The following CAD variants were observed in gnomAD, a reference collection of about 807,000 sequenced individuals.
CAD encodes carbamoyl-phosphate synthetase 2, aspartate transcarbamylase, and dihydroorotase, also known as multifunctional protein CAD.
In CAD, 81 loss-of-function variants were observed where a neutral mutation model predicts 237.2. The observed-to-expected ratio is 0.34, with a 90% CI of 0.29 to 0.41. CAD has a LOEUF of 0.41. Ranked by LOEUF, CAD falls within the 10% of genes least tolerant of loss-of-function variation. The probability of loss-of-function intolerance (pLI) is 1.00; values close to 1 mark genes in which losing one functional copy is unlikely to be tolerated. For missense variants in CAD, 2,181 were observed against 2,951.7 expected (o/e 0.74, Z 6.05); for synonymous variants, 1,196 against 1,162.8 (o/e 1.03, Z -0.58).
chr2:27,236,249 A>G lies in CAD; in HGVS notation c.4075-35A>G. The G allele has an allele frequency of 6.2e-7, 1 of 1,606,424 alleles. No individual in the cohort carries two copies. Among genetic ancestry groups the G allele is most frequent in the Non-Finnish European group, 8.5e-7 (1 of 1,174,784 alleles). ...GGCTAGCCTTCCTGACCGCTGCCAG[A>G]CAGCTTGGCCCTGACCTTGACTCCG... On this transcript the variant is annotated intron_variant, in intron 25 of 43. Coordinates refer to ENST00000264705, the MANE Select transcript of CAD (RefSeq NM_004341.5). This position sits in a 1 kb window ranked among gnomAD's most constrained non-coding sequence, Gnocchi z 4.1.
intron 2 of CAD, among the ~76,000 whole-genome samples, chr2:27,218,561 CAGTG>C (rs1233960401): frequency 2.0e-5 from 3 of 152,100 alleles, no homozygotes; most frequent in Non-Finnish European, 4.4e-5. Context: ...TTCTCTGTGA[CAGTG>C]AGTGCCAGTT....
Position 27,237,995 on chromosome 2 carries a change from G to A in CAD, c.4729-61G>A. The A allele has an allele frequency of 6.3e-7, 1 of 1,596,118 alleles. No individual in the cohort carries two copies. The highest frequency in any genetic ancestry group is 1.7e-4 in the Middle Eastern group (1 of 5,970). Reference sequence around the variant, plus strand: ...TTCAGGGGAGCTCCTGGGGACTCTGGGCTCTGATGAGCACAGTCAGAGATT... The same window carrying A: ...TTCAGGGGAGCTCCTGGGGACTCTGAGCTCTGATGAGCACAGTCAGAGATT... On this transcript the variant is annotated intron_variant, in intron 29 of 43. Transcript: ENST00000264705. The surrounding 1 kb of genome is among the most constrained non-coding windows in gnomAD (Gnocchi z 4.0).
chr2:27,235,039 A>G lies in CAD; in HGVS notation c.3787-206A>G, dbSNP rs1251611548. ...TTGAATTGAGTTTTGAAGGATGGTT[A>G]AGGTTTTTTATTTGCAAGGGCACAT... On this transcript the variant is annotated intron_variant, in intron 23 of 43. Coordinates refer to ENST00000264705, the MANE Select transcript of CAD (RefSeq NM_004341.5). The surrounding 1 kb of genome is among the most constrained non-coding windows in gnomAD (Gnocchi z 5.2). Among the ~76,000 whole-genome samples, 1 of 152,142 alleles carries G rather than the reference A, an allele frequency of 6.6e-6. No homozygotes were observed. Among genetic ancestry groups the G allele is most frequent in the East Asian group, 1.9e-4 (1 of 5,188 alleles).
At position 27,233,824 on chromosome 2, in the gene CAD, C is replaced by CA. The variant is rs1041255007; in HGVS notation, c.3399+17dup. ...GGAGGCTAAGGTGGGAGGCTGCAGACAGTGAAGTCTCTGAGGGCATGCTGC... is the reference window on the plus strand; with the variant it reads ...GGAGGCTAAGGTGGGAGGCTGCAGACAAGTGAAGTCTCTGAGGGCATGCTGC... On this transcript the variant is annotated intron_variant, in intron 21 of 43. Transcript: ENST00000264705. This position sits in a 1 kb window ranked among gnomAD's most constrained non-coding sequence, Gnocchi z 6.3. The CA allele has an allele frequency of 1.9e-6, 3 of 1,612,076 alleles. No individual in the cohort carries two copies. The African/African-American group carries it at 4.0e-5, about 22-fold the overall frequency.
chr2:27,221,730 C>T (rs1675176043), intron 3 of CAD, among the ~76,000 whole-genome samples: 1 of 148,110 alleles, frequency 6.8e-6, no homozygotes, highest in African/African-American at 2.5e-5. Flanking sequence ...TACAAGTGTC[C>T]AGGCAATGTT....
At position 27,238,053 on chromosome 2, in the gene CAD, C is replaced by G; in HGVS notation, c.4729-3C>G. 1 of 1,614,054 alleles carries G rather than the reference C, an allele frequency of 6.2e-7. No homozygotes were observed. Among genetic ancestry groups the G allele is most frequent in the East Asian group, 2.2e-5 (1 of 44,882 alleles). On this transcript the variant is annotated splice_region_variant and splice_polypyrimidine_tract_variant and intron_variant, in intron 29 of 43. Coordinates refer to ENST00000264705, the MANE Select transcript of CAD (RefSeq NM_004341.5). ...CTCCTTCATCAGTTCTTTCTGCTCC[C>G]AGCATTTCGAGACATGGCCCTCCCA...
Position 27,236,174 on chromosome 2 carries a change from G to A in CAD, c.4075-110G>A. 1.4e-6 allele frequency: 2 copies of A among 1,439,462 alleles called. No homozygotes were observed. The highest frequency in any genetic ancestry group is 1.4e-5 in the African/African-American group (1 of 70,438). The allele number at this position is 1,439,462 out of a possible 1,614,324, so 89.2% of individuals were successfully genotyped here. A position where few individuals can be genotyped will look rare whatever the true frequency, so the allele number is the denominator to read the frequency against. ...GGCAGCCCTCAGTGCCCACCCTATG[G>A]GTCCTCAGTCTCCTCATCATGGGCT... is the stretch of plus-strand genomic sequence containing the variant. On this transcript the variant is annotated intron_variant, in intron 25 of 43. Transcript: ENST00000264705. This position sits in a 1 kb window ranked among gnomAD's most constrained non-coding sequence, Gnocchi z 4.1.
chr2:27,240,131 C>A lies in CAD; in HGVS notation c.5497-134C>A. ...TGGTGCACATCTGTAATCCCAGCTA[C>A]TTGGGAGGCTGAGGCAGGAGAATTG... On this transcript the variant is annotated intron_variant, in intron 34 of 43. Transcript: ENST00000264705. The surrounding 1 kb of genome is among the most constrained non-coding windows in gnomAD (Gnocchi z 4.6). 1 of 737,384 alleles carries A rather than the reference C, an allele frequency of 1.4e-6. No homozygotes were observed. Among genetic ancestry groups the A allele is most frequent in the Non-Finnish European group, 2.3e-6 (1 of 433,630 alleles). The allele number at this position is 737,384 out of a possible 1,614,324, so 45.7% of individuals were successfully genotyped here.
chr2:27,220,165 C>T (rs1675085332), intron 2 of CAD, among the ~76,000 whole-genome samples: 1 of 152,152 alleles, frequency 6.6e-6, no homozygotes, highest in Non-Finnish European at 1.5e-5. Flanking sequence ...AAATGTCTGA[C>T]TGACACCATG....
In CAD at chr2:27,241,962, T is replaced by C; in HGVS notation, c.5935T>C (p.Ser1979Pro). Residue 1979 changes from serine (S) to proline (P), a missense_variant, in exon 39 of 44, where the codon TCC becomes CCC. Coordinates refer to ENST00000264705, the MANE Select transcript of CAD (RefSeq NM_004341.5). The surrounding 1 kb of genome is among the most constrained non-coding windows in gnomAD (Gnocchi z 4.6). ...FYEVSTRTSS[S>P]FAAAMARLGG... ...TGAAGTGAGCACACGGACCAGCAGC[T>C]CCTTTGCAGCAGCCATGGCCCGGCT... The C allele has an allele frequency of 6.2e-7, 1 of 1,613,674 alleles. No homozygotes were observed. Among genetic ancestry groups the C allele is most frequent in the South Asian group, 1.1e-5 (1 of 91,072 alleles).
In CAD at chr2:27,237,309, C is replaced by T. The variant is rs1354331841; in HGVS notation, c.4397-70C>T. ...AAAGTGCTAGGATTACAGGCGTGAG[C>T]CACCATGTCCAGCTCACCCTTCCTA... is the stretch of plus-strand genomic sequence containing the variant. On this transcript the variant is annotated intron_variant, in intron 27 of 43. Coordinates refer to ENST00000264705, the MANE Select transcript of CAD (RefSeq NM_004341.5). This position sits in a 1 kb window ranked among gnomAD's most constrained non-coding sequence, Gnocchi z 4.0. The T allele has an allele frequency of 2.0e-6, 3 of 1,530,150 alleles. No homozygotes were observed. The highest frequency in any genetic ancestry group is 2.7e-6 in the Non-Finnish European group (3 of 1,111,930). The allele number at this position is 1,530,150 out of a possible 1,614,324, so 94.8% of individuals were successfully genotyped here. A position where few individuals can be genotyped will look rare whatever the true frequency, so the allele number is the denominator to read the frequency against.
chr2:27,242,861 T>G lies in CAD; in HGVS notation c.6379-11T>G. On this transcript the variant is annotated splice_polypyrimidine_tract_variant and intron_variant, in intron 41 of 43. Coordinates refer to ENST00000264705, the MANE Select transcript of CAD (RefSeq NM_004341.5). The surrounding 1 kb of genome is among the most constrained non-coding windows in gnomAD (Gnocchi z 6.4). ...AGCGCTGCATCCACCATGGCTCTCCTCACCCTCCAGGAGGAATTCGAGAGC... is the reference window on the plus strand; with the variant it reads ...AGCGCTGCATCCACCATGGCTCTCCGCACCCTCCAGGAGGAATTCGAGAGC... The G allele has an allele frequency of 6.2e-7, 1 of 1,613,770 alleles. No individual in the cohort carries two copies. The highest frequency in any genetic ancestry group is 8.5e-7 in the Non-Finnish European group (1 of 1,179,654).
intron 8 of CAD, 66 bp downstream of exon 8, chr2:27,224,095 G>T: frequency 8.2e-7 from 1 of 1,215,758 alleles, no homozygotes; most frequent in Non-Finnish European, 1.2e-6. Flanking sequence ...TGGGCATAAG[G>T]TGGACATGCC....
In CAD at chr2:27,225,823, C is replaced by T; in HGVS notation, c.1739C>T (p.Pro580Leu). The T allele has an allele frequency of 6.2e-7, 1 of 1,614,214 alleles. No homozygotes were observed. The highest frequency in any genetic ancestry group is 8.5e-7 in the Non-Finnish European group (1 of 1,180,042). Residue 580 changes from proline (P) to leucine (L), a missense_variant, in exon 12 of 44, where the codon CCA becomes CTA. Coordinates refer to ENST00000264705, the MANE Select transcript of CAD (RefSeq NM_004341.5). The stretch of plus-strand genomic sequence containing the variant: ...GAGGAGCTCTCTGCTCTCGTGGCCC[C>T]AGCTTTTGCCCATACCAGCCAAGTG... ...NREELSALVAPAFAHTSQVLV... is the reference protein window; with the variant it reads ...NREELSALVALAFAHTSQVLV...
chr2:27,234,142 C>T lies in CAD; in HGVS notation c.3534C>T (p.Thr1178=), dbSNP rs1048470645. The T allele has an allele frequency of 6.2e-7, 1 of 1,614,066 alleles. No individual in the cohort carries two copies. The highest frequency in any genetic ancestry group is 8.5e-7 in the Non-Finnish European group (1 of 1,180,038). ...CCCCACAAGATATCACTGCCAAAAC[C>T]CTGGAGCGGATCAAAGCCATTGTGC... ...VTPPQDITAK[T]LERIKAIVHA... is the part of the protein sequence containing the mutation. Residue 1178 remains threonine (T), a synonymous_variant, in exon 22 of 44, where the codon ACC becomes ACT. Coordinates refer to ENST00000264705, the MANE Select transcript of CAD (RefSeq NM_004341.5).
chr2:27,230,624 C>CT (rs899256125), intron 15 of CAD, among the ~76,000 whole-genome samples: 4 of 149,608 alleles, frequency 2.7e-5, no homozygotes, highest in African/African-American at 9.9e-5. Flanking sequence ...GAAAGTCCAT[C>CT]TAAAAAAAAA....
chr2:27,239,393 A>C lies in CAD; in HGVS notation c.5316A>C (p.Thr1772=). The C allele has an allele frequency of 6.2e-7, 1 of 1,614,050 alleles. No homozygotes were observed. Among genetic ancestry groups the C allele is most frequent in the Non-Finnish European group, 8.5e-7 (1 of 1,179,994 alleles). ...SHMPFSKAHW[T]PFEGQKVKGT... ...TGCCCTTCTCCAAGGCCCACTGGAC[A>C]CCTTTTGAAGGGCAGAAAGTGAAGG... The change falls in exon 33 of 44, where the codon ACA becomes ACC. Residue 1772 remains threonine (T), a synonymous_variant. Transcript: ENST00000264705. This position sits in a 1 kb window ranked among gnomAD's most constrained non-coding sequence, Gnocchi z 4.0.
At position 27,232,408 on chromosome 2, in the gene CAD, A is replaced by G; in HGVS notation, c.2646-40A>G. 1.2e-6 allele frequency: 2 copies of G among 1,611,958 alleles called. No individual in the cohort carries two copies. The highest frequency in any genetic ancestry group is 8.5e-7 in the Non-Finnish European group (1 of 1,179,254). The stretch of plus-strand genomic sequence containing the variant: ...TCAACCCTCTATCAGTCTGTACCCT[A>G]CTCTCTGGGCCTGTGTTTCAGACCC... On this transcript the variant is annotated intron_variant, in intron 17 of 43. Coordinates refer to ENST00000264705, the MANE Select transcript of CAD (RefSeq NM_004341.5). The surrounding 1 kb of genome is among the most constrained non-coding windows in gnomAD (Gnocchi z 4.1).
rs2148057146 is a variant in CAD, at chr2:27,221,255, T to C, written c.260T>C (p.Val87Ala). The C allele has an allele frequency of 6.3e-7, 1 of 1,584,158 alleles. No individual in the cohort carries two copies. Among genetic ancestry groups the C allele is most frequent in the African/African-American group, 1.4e-5 (1 of 74,052 alleles). Residue 87 changes from valine to alanine, a missense_variant, in exon 3 of 44, where the codon GTA (valine) becomes GCA (alanine). This residue lies in a region of CAD where 314 missense variants were observed against 339.4 expected (regional missense o/e 0.93). Transcript: ENST00000264705. ...ESSGIHVAALVVGECCPTPSH... is the reference protein window; with the variant it reads ...ESSGIHVAALAVGECCPTPSH... ...TCGGGCATCCACGTAGCAGCACTGG[T>C]AGTGGGAGAGTGCTGTCCTACTCCC...
Sources: gnomAD v4.1 joint callset for allele counts (sites outside exome capture counted in the v4.1 genomes callset) on GRCh38, gnomAD v4.1.1 for gene constraint, gnomAD v4.1.1 regional missense constraint, Gnocchi (gnomAD v3.1) non-coding constraint, MANE v1.5 for transcripts, NCBI Gene and HGNC (gene_info 2026-07-23, HGNC 2026-07-21) for gene names.